The following ABCC4 variants were observed in gnomAD, a reference collection of about 807,000 sequenced individuals.
ABCC4 encodes the protein ATP binding cassette subfamily C member 4 (PEL blood group).
A neutral mutation model predicts 168.5 loss-of-function variants in ABCC4; 102 were observed. The observed-to-expected ratio is 0.61, with a 90% CI of 0.52 to 0.71. The LOEUF (loss-of-function observed/expected upper bound fraction) is 0.71. ABCC4 is among the 30% of genes least tolerant of loss of function. The pLI is 0.00. For synonymous variants in ABCC4, 617 were observed against 590.7 expected (o/e 1.04, Z -0.65); for missense variants, 1,402 against 1,605.8 (o/e 0.87, Z 2.17).
rs115230953 is a variant in ABCC4, at chr13:95,034,127, G to A, written c.3870+478C>T. 2.7e-3 allele frequency among the ~76,000 whole-genome samples: 407 copies of A among 152,266 alleles called. 3 individuals carry two copies. The highest frequency in any genetic ancestry group is 9.3e-3 in the African/African-American group (387 of 41,540). On this transcript the variant is annotated intron_variant, in intron 30 of 30. Transcript: ENST00000645237. ...CCAAAAGCAATCTAGGTAGATCTAG[G>A]TAGAACATTTTCTAGGTAGATCATT...
At chr13:95,061,843 T>C (rs2033310893) in intron 26 of ABCC4, among the ~76,000 whole-genome samples, 2 of 152,242 alleles carry the variant, frequency 1.3e-5, no homozygotes, top group Non-Finnish European at 2.9e-5. Context: ...TCTATGTTGC[T>C]CATGACTATA....
intron 1 of ABCC4, among the ~76,000 whole-genome samples, chr13:95,272,813 G>T (rs917659478): frequency 6.6e-6 from 1 of 152,128 alleles, no homozygotes; most frequent in Non-Finnish European, 1.5e-5. Context: ...GCTTGAACCC[G>T]GGAGGCAGAG....
chr13:95,194,414 T>C (rs1264399639), intron 9 of ABCC4, among the ~76,000 whole-genome samples: 1 of 152,196 alleles, frequency 6.6e-6, no homozygotes, highest in Non-Finnish European at 1.5e-5. Context: ...TCTCAATATG[T>C]AATAAGATGA....
At chr13:95,274,527 G>A (rs982966514) in intron 1 of ABCC4, among the ~76,000 whole-genome samples, 5 of 152,108 alleles carry the variant, frequency 3.3e-5, no homozygotes, top group African/African-American at 7.2e-5. Context: ...ATTCAAACTA[G>A]CCAATTCTAA....
At chr13:95,101,097 C>T (rs1382546252) in intron 20 of ABCC4, among the ~76,000 whole-genome samples, 1 of 152,190 alleles carries the variant, frequency 6.6e-6, no homozygotes, top group African/African-American at 2.4e-5. Context: ...AGCTTTTTCT[C>T]CTGCCCCTCA....
chr13:95,149,380 T>C (rs958152197), intron 19 of ABCC4, among the ~76,000 whole-genome samples: 7 of 152,186 alleles, frequency 4.6e-5, no homozygotes, highest in Admixed American at 2.6e-4. Context: ...TTCATTTTCA[T>C]GCTAAGTAAT....
intron 20 of ABCC4, among the ~76,000 whole-genome samples, chr13:95,111,894 G>C (rs146162347): frequency 2.6e-5 from 4 of 152,092 alleles, no homozygotes; most frequent in African/African-American, 4.8e-5. Flanking sequence ...GCCACAAGCA[G>C]AGGGTTCTCC....
At position 95,207,944 on chromosome 13, in the gene ABCC4, G is replaced by A. The variant is rs771395340; in HGVS notation, c.786-19C>T. Reference sequence around the variant, plus strand: ...TTTACTCCTAAGGGGAACCAGACACGGGAGATGAGCCTGAGCGATCACAGC... The same window carrying A: ...TTTACTCCTAAGGGGAACCAGACACAGGAGATGAGCCTGAGCGATCACAGC... On this transcript the variant is annotated intron_variant, in intron 6 of 30. Coordinates refer to ENST00000645237, the MANE Select transcript of ABCC4 (RefSeq NM_005845.5). The A allele has an allele frequency of 5.6e-6, 9 of 1,610,416 alleles. No homozygotes were observed. The highest frequency in any genetic ancestry group is 2.2e-5 in the East Asian group (1 of 44,846).
Position 95,192,293 on chromosome 13 carries a change from C to CCA in ABCC4, c.1263+2542_1263+2543insTG, listed in dbSNP as rs148179065. 2.8e-3 allele frequency among the ~76,000 whole-genome samples: 428 copies of CCA among 152,216 alleles called. 4 individuals are homozygous for CCA. The highest frequency in any genetic ancestry group is 9.7e-3 in the African/African-American group (405 of 41,550). On this transcript the variant is annotated intron_variant, in intron 9 of 30. Coordinates refer to ENST00000645237, the MANE Select transcript of ABCC4 (RefSeq NM_005845.5). ...CCTCTGCAGCTTCTCTCCAGAAGCC[C>CCA]GTGTCTGTGCCCCTCCTCCCACCCC...
At chr13:95,078,118 C>A (rs1057469103) in intron 21 of ABCC4, among the ~76,000 whole-genome samples, 1 of 152,184 alleles carries the variant, frequency 6.6e-6, no homozygotes, top group African/African-American at 2.4e-5. Flanking sequence ...GAAACCAGAC[C>A]TTCCCTGAGC....
In ABCC4 at chr13:95,194,913, A is replaced by G. The variant is rs765738938; in HGVS notation, c.1186T>C (p.Ser396Pro). The G allele has an allele frequency of 1.9e-6, 3 of 1,613,996 alleles. No individual in the cohort carries two copies. The highest frequency in any genetic ancestry group is 1.3e-5 in the African/African-American group (1 of 74,924). The change falls in exon 9 of 31, where the codon TCA becomes CCA. Residue 396 changes from serine to proline, a missense_variant. Around this residue, in one of 3 missense-constraint regions of ABCC4, gnomAD observed 1,007 missense variants for 1,127.3 expected, o/e 0.89. Transcript: ENST00000645237. ...IQTFLLLDEI[S>P]QRNRQLPSDG... ...GACGGCAGCTGACGGTTGCGCTGTG[A>G]TATCTCATCAAGTAGCAAAAAGGTC...
chr13:95,168,810 C>T (rs188257570), intron 14 of ABCC4, among the ~76,000 whole-genome samples: 5 of 152,276 alleles, frequency 3.3e-5, no homozygotes, highest in South Asian at 2.1e-4. Flanking sequence ...TCCCCGGCCA[C>T]GCTAGCTCTT....
chr13:95,196,568 G>C (rs1311500214), intron 8 of ABCC4, among the ~76,000 whole-genome samples: 1 of 106,276 alleles, frequency 9.4e-6, no homozygotes, highest in African/African-American at 3.0e-5. Context: ...AAGGAAAGGA[G>C]GAAAGGAGGA....
intron 19 of ABCC4, among the ~76,000 whole-genome samples, chr13:95,133,329 G>C (rs2036039171): frequency 1.3e-5 from 2 of 151,882 alleles, no homozygotes; most frequent in African/African-American, 4.8e-5. Flanking sequence ...GGCCAGGCTG[G>C]TCTCAAACTC....
chr13:95,213,780 T>C (rs1175757746), intron 4 of ABCC4, among the ~76,000 whole-genome samples: 1 of 152,158 alleles, frequency 6.6e-6, no homozygotes, highest in Non-Finnish European at 1.5e-5. Context: ...AAGGATTCAA[T>C]GCTAAAGGGG....
chr13:95,080,145 A>T (rs140401966), intron 21 of ABCC4, among the ~76,000 whole-genome samples: 56 of 152,314 alleles, frequency 3.7e-4, no homozygotes, highest in African/African-American at 1.2e-3. Flanking sequence ...GTCCCTGGGA[A>T]TCTAGGATGA....
At chr13:95,112,442 T>C (rs1282364537) in intron 20 of ABCC4, among the ~76,000 whole-genome samples, 2 of 152,192 alleles carry the variant, frequency 1.3e-5, no homozygotes, top group Non-Finnish European at 2.9e-5. Flanking sequence ...TTAGTAAGAA[T>C]AACAACTCGA....
intron 14 of ABCC4, among the ~76,000 whole-genome samples, chr13:95,168,163 C>T (rs550938173): frequency 5.9e-5 from 9 of 152,170 alleles, no homozygotes; most frequent in Admixed American, 2.0e-4. Flanking sequence ...TGAGCCACCG[C>T]GCCTCGCCAA....
chr13:95,239,174 A>T (rs1316553712), intron 3 of ABCC4, among the ~76,000 whole-genome samples: 3 of 152,306 alleles, frequency 2.0e-5, no homozygotes, highest in Non-Finnish European at 4.4e-5. Context: ...CAAAAAAAAA[A>T]AAAATTTAAA....
Sources: gnomAD v4.1 joint callset for allele counts (sites outside exome capture counted in the v4.1 genomes callset) on GRCh38, gnomAD v4.1.1 for gene constraint, gnomAD v4.1.1 regional missense constraint, MANE v1.5 for transcripts, NCBI Gene and HGNC (gene_info 2026-07-23, HGNC 2026-07-21) for gene names.